Variants in ASB3 observed in about 807,000 individuals in gnomAD.
ASB3 encodes the protein ankyrin repeat and SOCS box containing 3.
A neutral mutation model predicts 54.5 loss-of-function variants in ASB3; 41 were observed. That is an observed-to-expected ratio of 0.75 (90% CI 0.59 to 0.98). The LOEUF is 0.98. Ranked by LOEUF, ASB3 falls within the 50% of genes least tolerant of loss-of-function variation. The pLI is 0.00. For missense variants in ASB3, 733 were observed against 620.0 expected, an observed-to-expected ratio of 1.18 and a Z score of -1.94; for synonymous variants, 266 against 221.2, an observed-to-expected ratio of 1.20 and a Z score of -1.80.
intron 1 of ASB3, chr2:53,767,615 A>C (rs147179307): frequency 7.6e-4 from 328 of 431,146 alleles, no homozygotes; most frequent in African/African-American, 5.8e-3. Flanking sequence ...AAGGTAGGTT[A>C]GGGTGATTTA....
At chr2:53,724,462 G>A (rs569868571) in intron 5 of ASB3, among the ~76,000 whole-genome samples, 2 of 152,214 alleles carry the variant, frequency 1.3e-5, no homozygotes, top group Admixed American at 6.5e-5. Context: ...AGCCAGGCAT[G>A]GTGGCACGTG....
chr2:53,724,470 G>A (rs755683854), intron 5 of ASB3, among the ~76,000 whole-genome samples: 1 of 151,910 alleles, frequency 6.6e-6, no homozygotes, highest in African/African-American at 2.4e-5. Flanking sequence ...ATGGTGGCAC[G>A]TGCCTGTAGT....
rs185726222 is a variant in ASB3, at chr2:53,672,301, C to T, written c.1370-1611G>A. Among the ~76,000 whole-genome samples the T allele has an allele frequency of 3.5e-3, 530 of 152,184 alleles. 1 individual carries two copies. Among genetic ancestry groups the T allele is most frequent in the African/African-American group, 0.012 (501 of 41,526 alleles). On this transcript the variant is annotated intron_variant, in intron 9 of 9. Transcript: ENST00000263634. ...ATTACAGTATCTATAGTATATAGCA[C>T]GCACATTTATTTCTAACTTTTTTCA...
chr2:53,782,331 G>T (rs1213145548), intron 1 of ASB3, among the ~76,000 whole-genome samples: 2 of 152,154 alleles, frequency 1.3e-5, no homozygotes, highest in African/African-American at 4.8e-5. Context: ...TGAGGATTAA[G>T]CCAGTGCAGA....
chr2:53,774,808 CAG>C (rs1271139991), intron 1 of ASB3: 8 of 253,886 alleles, frequency 3.2e-5, no homozygotes, highest in African/African-American at 1.6e-4. Context: ...TTGTTTTTAT[CAG>C]AGTGATAATC....
Position 53,727,544 on chromosome 2 carries a change from C to A in ASB3, c.604+1168G>T, listed in dbSNP as rs6705712. Among the ~76,000 whole-genome samples, 162 of 151,862 alleles carry A rather than the reference C, an allele frequency of 1.1e-3. 1 individual carries two copies. Among genetic ancestry groups the A allele is most frequent in the African/African-American group, 3.6e-3 (149 of 41,376 alleles). ...GCAGCTATTTGGTAGGCTAAAGGGG[C>A]AAAATCGCTGGAGGTCAGGAGTTTA... On this transcript the variant is annotated intron_variant, in intron 5 of 9. Coordinates refer to ENST00000263634, the MANE Select transcript of ASB3 (RefSeq NM_016115.5).
At chr2:53,673,586 G>C (rs903523113) in intron 9 of ASB3, among the ~76,000 whole-genome samples, 1 of 152,126 alleles carries the variant, frequency 6.6e-6, no homozygotes, top group Admixed American at 6.6e-5. Context: ...GCATTTGTTA[G>C]GAGAAGCGTA....
chr2:53,691,909 G>A (rs1424455098), intron 9 of ASB3, among the ~76,000 whole-genome samples: 1 of 152,176 alleles, frequency 6.6e-6, no homozygotes, highest in African/African-American at 2.4e-5. Flanking sequence ...CCCCAAGCAG[G>A]TTGTAACAAG....
chr2:53,778,347 G>A (rs1223534353), intron 1 of ASB3, among the ~76,000 whole-genome samples: 1 of 151,948 alleles, frequency 6.6e-6, no homozygotes, highest in African/African-American at 2.4e-5. Flanking sequence ...ACAAAGTGAT[G>A]ATTTATGAAT....
chr2:53,763,842 G>C (rs936867895), intron 2 of ASB3, among the ~76,000 whole-genome samples: 1 of 152,174 alleles, frequency 6.6e-6, no homozygotes, highest in Admixed American at 6.5e-5. Context: ...AACAGATTCT[G>C]AAAACATATC....
At chr2:53,720,420 A>G (rs955381451) in intron 5 of ASB3, among the ~76,000 whole-genome samples, 3 of 152,212 alleles carry the variant, frequency 2.0e-5, no homozygotes, top group Admixed American at 2.0e-4. Flanking sequence ...TTTGGGGTTC[A>G]CAGCAACACA....
chr2:53,717,245 T>C (rs149886588), intron 5 of ASB3, among the ~76,000 whole-genome samples: 1 of 152,264 alleles, frequency 6.6e-6, no homozygotes, highest in Non-Finnish European at 1.5e-5. Context: ...CAAACATGGA[T>C]AATATTTCTG....
chr2:53,722,187 A>C (rs948590180), intron 5 of ASB3, among the ~76,000 whole-genome samples: 2 of 151,848 alleles, frequency 1.3e-5, no homozygotes, highest in Non-Finnish European at 2.9e-5. Context: ...AAAAAAAAAA[A>C]AAACCTACCA....
At chr2:53,681,022 G>C (rs890546230) in intron 9 of ASB3, among the ~76,000 whole-genome samples, 1 of 152,064 alleles carries the variant, frequency 6.6e-6, no homozygotes, top group Non-Finnish European at 1.5e-5. Flanking sequence ...TTACTATAAT[G>C]ACCTCCAGTT....
intron 7 of ASB3, among the ~76,000 whole-genome samples, chr2:53,710,887 G>C (rs749250485): frequency 1.3e-5 from 2 of 152,012 alleles, no homozygotes; most frequent in African/African-American, 4.8e-5. Context: ...AGCACTTTGA[G>C]AGGCCAAGGC....
At position 53,729,571 on chromosome 2, in the gene ASB3, C is replaced by T. The variant is rs751346352; in HGVS notation, c.356-1G>A. 2 of 1,613,224 alleles carry T rather than the reference C, an allele frequency of 1.2e-6. No individual in the cohort carries two copies. ...ACATCTATCTGTCCATTTTCAACAGCTGTAATACAGCAGTTAGAAAAATTA... is the reference window on the plus strand; with the variant it reads ...ACATCTATCTGTCCATTTTCAACAGTTGTAATACAGCAGTTAGAAAAATTA... On this transcript the variant is annotated splice_acceptor_variant, in intron 3 of 9. Transcript: ENST00000263634. LOFTEE classifies it high-confidence loss of function.
Position 53,716,504 on chromosome 2 carries a change from G to A in ASB3, c.782+62C>T, listed in dbSNP as rs1354659932. 4 of 1,570,122 alleles carry A rather than the reference G, an allele frequency of 2.5e-6. No homozygotes were observed. The East Asian group carries it at 9.0e-5, about 35-fold the overall frequency. Reference sequence around the variant, plus strand: ...GCCTAGAGGTGAAGGGTCTAGCCCAGATTTATTCTTTATTAGCTTTTGATT... The same window carrying A: ...GCCTAGAGGTGAAGGGTCTAGCCCAAATTTATTCTTTATTAGCTTTTGATT... On this transcript the variant is annotated intron_variant, in intron 6 of 9. Coordinates refer to ENST00000263634, the MANE Select transcript of ASB3 (RefSeq NM_016115.5).
At chr2:53,751,954 T>A (rs564919218) in intron 2 of ASB3, among the ~76,000 whole-genome samples, 1 of 152,324 alleles carries the variant, frequency 6.6e-6, no homozygotes, top group Admixed American at 6.5e-5. Context: ...TGACTCTTAT[T>A]CAAAGTAGTT....
intron 1 of ASB3, among the ~76,000 whole-genome samples, chr2:53,781,221 A>G (rs906239467): frequency 2.0e-5 from 3 of 152,068 alleles, no homozygotes; most frequent in Non-Finnish European, 4.4e-5. Context: ...CAGCCTGGGC[A>G]ACATGGCAAA....
Sources: allele counts gnomAD v4.1 joint callset (sites outside exome capture counted in the v4.1 genomes callset), GRCh38; gene constraint gnomAD v4.1.1; transcripts MANE v1.5; gene names NCBI Gene and HGNC (gene_info 2026-07-23, HGNC 2026-07-21).